The following SULF2 variants were observed in gnomAD, a reference collection of about 807,000 sequenced individuals.
SULF2 encodes the protein extracellular sulfatase Sulf-2.
SULF2 carries 52 observed loss-of-function variants against 107.7 expected under a neutral mutation model. The observed-to-expected ratio is 0.48, with a 90% confidence interval of 0.39 to 0.61. SULF2 has a LOEUF of 0.61. Among genes scored for constraint, SULF2 ranks in the 20% least tolerant of loss-of-function variants. The pLI, the probability that SULF2 is intolerant of heterozygous loss-of-function variation, is 0.00. For missense variants in SULF2, 993 were observed against 1,177.3 expected (o/e 0.84, Z 2.29); for synonymous variants, 460 against 464.3 (o/e 0.99, Z 0.12).
At chr20:47,686,106 G>A (rs1310389809) in intron 5 of SULF2, 1 of 152,300 alleles carries the variant, frequency 6.6e-6, no homozygotes, top group Admixed American at 6.5e-5. Flanking sequence ...CATGGCCAGT[G>A]CGTGATGACT....
Position 47,672,442 on chromosome 20 carries a change from A to G in SULF2, c.1381-49T>C, listed in dbSNP as rs769072677. The G allele has an allele frequency of 5.8e-4, 829 of 1,421,002 alleles. 6 individuals are homozygous for G. Among genetic ancestry groups the G allele is most frequent in the Non-Finnish European group, 3.5e-4 (382 of 1,082,754 alleles). The allele number at this position is 1,421,002 out of a possible 1,614,324, so 88.0% of individuals were successfully genotyped here. On this transcript the variant is annotated intron_variant, in intron 10 of 20. Transcript: ENST00000688720. ...GCCAGCTGCTCATCTGCTCCCCTAAACCCGCCTCTCCCCTGCCACCCCCAT... is the reference window on the plus strand; with the variant it reads ...GCCAGCTGCTCATCTGCTCCCCTAAGCCCGCCTCTCCCCTGCCACCCCCAT...
chr20:47,679,696 C>T (rs1329328684), intron 7 of SULF2, among the ~76,000 whole-genome samples: 2 of 152,198 alleles, frequency 1.3e-5, no homozygotes, highest in African/African-American at 4.8e-5. Flanking sequence ...TGGCCGGCAC[C>T]TTGATTTCAG....
intron 4 of SULF2, among the ~76,000 whole-genome samples, chr20:47,700,199 A>G (rs2088514676): frequency 1.3e-5 from 2 of 152,160 alleles, no homozygotes; most frequent in African/African-American, 4.8e-5. Context: ...CCTCCTCATC[A>G]TCTAAGCCAG....
At chr20:47,702,254 C>G (rs1466949464) in intron 4 of SULF2, among the ~76,000 whole-genome samples, 2 of 152,142 alleles carry the variant, frequency 1.3e-5, no homozygotes, top group African/African-American at 2.4e-5. Flanking sequence ...CAGACAGGGT[C>G]TCGTCATGTT....
rs1209440815 is a variant in SULF2 at position 47,672,289 on chromosome 20, C to A, written c.1485G>T (p.Lys495Asn). 6.2e-7 allele frequency: 1 copy of A among 1,613,564 alleles called. No homozygotes were observed. Among genetic ancestry groups the A allele is most frequent in the South Asian group, 1.1e-5 (1 of 91,082 alleles). ...GSRALSNLVP[K>N]YYGQGSEACT... ...AGGCCTCGCTGCCCTGCCCGTAGTACTTGGGCACGAGGTTGGAGAGGGCTC... is the reference window on the plus strand; with the variant it reads ...AGGCCTCGCTGCCCTGCCCGTAGTAATTGGGCACGAGGTTGGAGAGGGCTC... Residue 495 changes from lysine (K) to asparagine (N), a missense_variant, in exon 11 of 21, where the codon AAG becomes AAT. This residue lies in a region of SULF2 where 497 missense variants were observed against 544.1 expected (regional missense o/e 0.91). Coordinates refer to ENST00000688720, the MANE Select transcript of SULF2 (RefSeq NM_001387048.1).
Position 47,663,057 on chromosome 20 carries a change from G to A in SULF2, c.2370+13C>T, listed in dbSNP as rs369953412. 53 of 1,614,012 alleles carry A rather than the reference G, an allele frequency of 3.3e-5. No individual in the cohort carries two copies. The highest frequency in any genetic ancestry group is 1.5e-4 in the South Asian group (14 of 91,066). On this transcript the variant is annotated intron_variant, in intron 17 of 20. Coordinates refer to ENST00000688720, the MANE Select transcript of SULF2 (RefSeq NM_001387048.1). Reference sequence around the variant, plus strand: ...CCCCACACCCCCATCCCTCTAGCTCGGGTTGCCTGTACCTGGTAGGGGTCT... The same window carrying A: ...CCCCACACCCCCATCCCTCTAGCTCAGGTTGCCTGTACCTGGTAGGGGTCT...
intron 4 of SULF2, among the ~76,000 whole-genome samples, chr20:47,695,662 G>A (rs906410896): frequency 6.6e-6 from 1 of 152,210 alleles, no homozygotes; most frequent in African/African-American, 2.4e-5. Context: ...CGGCCAGGCT[G>A]GAGTGCAGTG....
intron 2 of SULF2, among the ~76,000 whole-genome samples, chr20:47,747,860 G>A (rs1434151836): frequency 2.0e-5 from 3 of 151,714 alleles, no homozygotes; most frequent in Non-Finnish European, 4.4e-5. Flanking sequence ...ACCCACTCAC[G>A]ATCCATAAAG....
At chr20:47,704,077 C>T (rs1288649550) in intron 3 of SULF2, among the ~76,000 whole-genome samples, 3 of 152,094 alleles carry the variant, frequency 2.0e-5, no homozygotes, top group African/African-American at 7.2e-5. Flanking sequence ...CTTGCTGGAG[C>T]AGGTGGTTCA....
rs1568892293 is a variant in SULF2, at chr20:47,745,400, AAAAAAAAAAAATATATATATATAT to A, written c.176-8482_176-8459del. On this transcript the variant is annotated intron_variant, in intron 2 of 20. Transcript: ENST00000688720. ...TTTGAGGGAAAAAAAAAAAAAAAAAAAAAAAAAAAAATATATATATATATATATATATATATATATATATATATA... is the reference window on the plus strand; with the variant it reads ...TTTGAGGGAAAAAAAAAAAAAAAAAAATATATATATATATATATATATATA... Among the ~76,000 whole-genome samples, 19 of 30,558 alleles carry A rather than the reference AAAAAAAAAAAATATATATATATAT, an allele frequency of 6.2e-4. 1 individual carries two copies. The highest frequency in any genetic ancestry group is 2.1e-3 in the African/African-American group (19 of 9,150). 20.0% of individuals were successfully genotyped at this position (30,558 alleles called of 152,430 possible).
chr20:47,664,522 T>C (rs2146401083), intron 14 of SULF2, among the ~76,000 whole-genome samples: 1 of 152,326 alleles, frequency 6.6e-6, no homozygotes, highest in South Asian at 2.1e-4. Flanking sequence ...TTTTGATGGT[T>C]AATTTTACAT....
chr20:47,749,620 T>C (rs1166697636), intron 2 of SULF2, among the ~76,000 whole-genome samples: 2 of 152,258 alleles, frequency 1.3e-5, no homozygotes, highest in African/African-American at 4.8e-5. Context: ...GATTTGGAAT[T>C]GATCTCCTGG....
intron 1 of SULF2, among the ~76,000 whole-genome samples, chr20:47,762,373 T>C (rs2146932616): frequency 6.6e-6 from 1 of 152,340 alleles, no homozygotes; most frequent in Middle Eastern, 3.4e-3. Flanking sequence ...TTCTGAAAGC[T>C]TGCAGCACAC....
intron 7 of SULF2, among the ~76,000 whole-genome samples, chr20:47,681,980 C>T (rs771584022): frequency 2.6e-5 from 4 of 151,978 alleles, no homozygotes; most frequent in South Asian, 2.1e-4. Flanking sequence ...CCACAGGGCC[C>T]GGCTTGCAAT....
chr20:47,748,644 C>T (rs1999545), intron 2 of SULF2, among the ~76,000 whole-genome samples: 66,844 of 152,058 alleles, frequency 0.44, 17,208 homozygotes, highest in Non-Finnish European at 0.57. Flanking sequence ...CAAGCCCCTT[C>T]GCTCTCTGGG....
At chr20:47,781,294 T>A (rs1004203550) in intron 1 of SULF2, among the ~76,000 whole-genome samples, 3 of 152,262 alleles carry the variant, frequency 2.0e-5, no homozygotes, top group African/African-American at 7.2e-5. Context: ...TGGCCCATCA[T>A]CGCAGGCACT....
intron 3 of SULF2, among the ~76,000 whole-genome samples, chr20:47,724,696 G>C (rs1396820918): frequency 6.6e-6 from 1 of 152,164 alleles, no homozygotes; most frequent in Non-Finnish European, 1.5e-5. Context: ...TTAAAGTGTG[G>C]TTTTGTTCAG....
intron 11 of SULF2, among the ~76,000 whole-genome samples, chr20:47,667,842 G>A (rs2087328686): frequency 6.6e-6 from 1 of 152,196 alleles, no homozygotes; most frequent in African/African-American, 2.4e-5. Context: ...GTGGAAGGAG[G>A]GAGGAAAGGG....
intron 15 of SULF2, 70 bp from the exon 16 acceptor site, chr20:47,663,692 C>G: frequency 6.7e-7 from 1 of 1,488,816 alleles, no homozygotes; most frequent in East Asian, 2.3e-5. Context: ...TCTGCTCTTC[C>G]TGTCCACCTA....
Sources: gnomAD v4.1 joint callset for allele counts (sites outside exome capture counted in the v4.1 genomes callset) on GRCh38, gnomAD v4.1.1 for gene constraint, gnomAD v4.1.1 regional missense constraint, MANE v1.5 for transcripts, NCBI Gene and HGNC (gene_info 2026-07-23, HGNC 2026-07-21) for gene names.